The following IQSEC1 variants were observed in gnomAD, a reference collection of about 807,000 sequenced individuals.
IQSEC1 encodes IQ motif and Sec7 domain ArfGEF 1.
A neutral mutation model predicts 91.0 loss-of-function variants in IQSEC1; 31 were observed. The ratio of observed to expected loss-of-function variants is 0.34; its 90% CI spans 0.26 to 0.46. IQSEC1 has a LOEUF of 0.46. Ranked by LOEUF, IQSEC1 falls within the 20% of genes least tolerant of loss-of-function variation. The probability of loss-of-function intolerance (pLI) is 1.00; values close to 1 mark genes in which losing one functional copy is unlikely to be tolerated. For synonymous variants in IQSEC1, 699 were observed against 662.6 expected (o/e 1.05, Z -0.84); for missense variants, 1,388 against 1,575.6 (o/e 0.88, Z 2.02).
intron 1 of IQSEC1, among the ~76,000 whole-genome samples, chr3:13,243,285 A>T (rs1695051045): frequency 6.6e-6 from 1 of 152,102 alleles, no homozygotes; most frequent in Non-Finnish European, 1.5e-5. Flanking sequence ...GCTTTGAGGG[A>T]GGGGAGAGGA....
chr3:13,016,700 C>G (rs749097045), intron 1 of IQSEC1, among the ~76,000 whole-genome samples: 1 of 152,222 alleles, frequency 6.6e-6, no homozygotes, highest in Non-Finnish European at 1.5e-5. Flanking sequence ...TCACTCTCAA[C>G]GCAAGGCCAC....
chr3:13,200,166 TACAC>T (rs376178411), intron 1 of IQSEC1, among the ~76,000 whole-genome samples: 16 of 146,054 alleles, frequency 1.1e-4, no homozygotes, highest in African/African-American at 2.9e-4. Flanking sequence ...CAAACACACA[TACAC>T]ACACATACAA....
At chr3:12,901,908 G>A (rs1439765329) in intron 13 of IQSEC1, among the ~76,000 whole-genome samples, 1 of 152,154 alleles carries the variant, frequency 6.6e-6, no homozygotes, top group Non-Finnish European at 1.5e-5. Context: ...AGGGGCTGAT[G>A]TGCCTGGAGG....
chr3:13,122,575 G>A (rs1264824966), intron 2 of IQSEC1, among the ~76,000 whole-genome samples: 1 of 152,180 alleles, frequency 6.6e-6, no homozygotes, highest in Non-Finnish European at 1.5e-5. Context: ...GACACACGGA[G>A]TGAGGTAGGG....
chr3:12,938,640 G>T (rs935890098), intron 2 of IQSEC1, among the ~76,000 whole-genome samples: 2 of 152,110 alleles, frequency 1.3e-5, no homozygotes, highest in African/African-American at 4.8e-5. Context: ...AGCCCCTGGG[G>T]CCCATAAGAG....
intron 1 of IQSEC1, among the ~76,000 whole-genome samples, chr3:13,190,294 C>G (rs981880981): frequency 6.6e-6 from 1 of 152,170 alleles, no homozygotes; most frequent in Admixed American, 6.5e-5. Context: ...CGAGTGGGGC[C>G]CGGCTCCTGG....
At chr3:13,196,896 G>A (rs536466942) in intron 1 of IQSEC1, among the ~76,000 whole-genome samples, 1 of 152,184 alleles carries the variant, frequency 6.6e-6, no homozygotes, top group East Asian at 1.9e-4. Context: ...CAAGTCAGGG[G>A]GAGCAGGAGA....
chr3:13,238,892 T>G lies in IQSEC1; in HGVS notation c.272+43819A>C, dbSNP rs1464176006. Reference sequence around the variant, plus strand: ...CCTCCCTCTGAGTGGCCCCACATGCTTCTCCTAAGGAGCTGGACATAAAGA... The same window carrying G: ...CCTCCCTCTGAGTGGCCCCACATGCGTCTCCTAAGGAGCTGGACATAAAGA... On this transcript the variant is annotated intron_variant, in intron 1 of 15. Transcript: ENST00000648114. Among the ~76,000 whole-genome samples the G allele has an allele frequency of 1.3e-5, 2 of 152,286 alleles. 1 individual carries two copies. Among genetic ancestry groups the G allele is most frequent in the African/African-American group, 4.8e-5 (2 of 41,564 alleles).
chr3:13,004,355 A>G (rs1266435756), intron 1 of IQSEC1, among the ~76,000 whole-genome samples: 1 of 152,210 alleles, frequency 6.6e-6, no homozygotes, highest in Non-Finnish European at 1.5e-5. Context: ...AGCAGAGATG[A>G]TCAAATCCCT....
At chr3:13,143,161 C>G (rs897593850) in intron 2 of IQSEC1, among the ~76,000 whole-genome samples, 4 of 152,346 alleles carry the variant, frequency 2.6e-5, no homozygotes, top group African/African-American at 7.2e-5. Flanking sequence ...ATCCCATCAG[C>G]CTTGCTCCTC....
Position 12,935,940 on chromosome 3 carries a change from C to T in IQSEC1, c.1076G>A (p.Arg359Gln), listed in dbSNP as rs754280926. ...PSLERQEQRL[R>Q]VEHLPLLTIE... The stretch of plus-strand genomic sequence containing the variant: ...GGTGAGCAGCGGCAGATGCTCCACC[C>T]GCAGCCGCTGCTCCTGCCGCTCCAG... The change falls in exon 3 of 14, where the codon CGG (arginine) becomes CAG (glutamine). Residue 359 changes from arginine (R) to glutamine (Q), a missense_variant. Physicochemically the swap from Arg to Gln is conservative, Grantham distance 43. Transcript: ENST00000613206. The surrounding 1 kb of genome is among the most constrained non-coding windows in gnomAD (Gnocchi z 8.0). 1.0e-5 allele frequency: 16 copies of T among 1,598,438 alleles called. No homozygotes were observed. In the East Asian group the frequency reaches 1.3e-4, roughly 13 times the overall value.
chr3:13,028,100 G>T (rs1474820313), intron 1 of IQSEC1, among the ~76,000 whole-genome samples: 1 of 152,146 alleles, frequency 6.6e-6, no homozygotes, highest in Non-Finnish European at 1.5e-5. Context: ...AGCCCCGCAG[G>T]GCTGATAATC....
At chr3:12,907,955 C>T (rs962202283) in intron 12 of IQSEC1, among the ~76,000 whole-genome samples, 4 of 152,262 alleles carry the variant, frequency 2.6e-5, no homozygotes, top group East Asian at 3.9e-4. Context: ...TAGAGGGTTC[C>T]GCGCAAGTTC....
At chr3:13,078,870 A>G (rs150178466) in intron 2 of IQSEC1, among the ~76,000 whole-genome samples, 56 of 152,100 alleles carry the variant, frequency 3.7e-4, no homozygotes, top group African/African-American at 1.3e-3. Context: ...TTCTGCCCCT[A>G]CTTCTCACCC....
At chr3:12,982,813 C>T (rs1341092316) in intron 1 of IQSEC1, among the ~76,000 whole-genome samples, 1 of 152,232 alleles carries the variant, frequency 6.6e-6, no homozygotes, top group East Asian at 1.9e-4. Context: ...CTTCAGGAAA[C>T]AAAACAGCAT....
At chr3:12,998,310 C>T (rs1406557955) in intron 1 of IQSEC1, among the ~76,000 whole-genome samples, 1 of 152,062 alleles carries the variant, frequency 6.6e-6, no homozygotes, top group Non-Finnish European at 1.5e-5. Context: ...GTGATCACTC[C>T]ACTGCACTCC....
intron 1 of IQSEC1, among the ~76,000 whole-genome samples, chr3:13,031,051 G>A (rs1020769614): frequency 6.6e-6 from 1 of 152,272 alleles, no homozygotes; most frequent in Non-Finnish European, 1.5e-5. Flanking sequence ...ATCATCTGCT[G>A]TAAGTAGAAG....
chr3:13,251,471 T>C (rs961285008), intron 1 of IQSEC1, among the ~76,000 whole-genome samples: 1 of 152,182 alleles, frequency 6.6e-6, no homozygotes, highest in African/African-American at 2.4e-5. Context: ...AAATGAATAG[T>C]GTTTGCTGAA....
chr3:13,158,119 C>A (rs903471), intron 2 of IQSEC1, among the ~76,000 whole-genome samples: 84,674 of 152,086 alleles, frequency 0.56, 23,688 homozygotes, highest in Middle Eastern at 0.61. Flanking sequence ...TTGATTCCAC[C>A]GTGCTAAGAA....
Sources: gnomAD v4.1 joint callset for allele counts (sites outside exome capture counted in the v4.1 genomes callset) on GRCh38, gnomAD v4.1.1 for gene constraint, Gnocchi (gnomAD v3.1) non-coding constraint, MANE v1.5 for transcripts, NCBI Gene and HGNC (gene_info 2026-07-23, HGNC 2026-07-21) for gene names.